Variants in ENPP2 observed in about 807,000 individuals in gnomAD.
ENPP2 encodes the protein ectonucleotide pyrophosphatase/phosphodiesterase 2, also known as autotaxin.
A neutral mutation model predicts 120.2 loss-of-function variants in ENPP2; 51 were observed. The ratio of observed to expected loss-of-function variants is 0.42; its 90% CI spans 0.34 to 0.54. The LOEUF is 0.54. Ranked by LOEUF, ENPP2 falls within the 20% of genes least tolerant of loss-of-function variation. The pLI is 0.04. For missense variants in ENPP2, 920 were observed against 1,066.5 expected (o/e 0.86, Z 1.91); for synonymous variants, 365 against 366.4 (o/e 1.00, Z 0.04).
At chr8:119,564,742 A>C (rs1814266602) in intron 23 of ENPP2, 81 bp downstream of exon 23, 3 of 1,214,382 alleles carry the variant, frequency 2.5e-6, no homozygotes, top group Non-Finnish European at 3.5e-6. Flanking sequence ...TCTCTTCTCT[A>C]GTATATGAAT....
intron 1 of ENPP2, among the ~76,000 whole-genome samples, chr8:119,656,797 A>T (rs1817776259): frequency 1.3e-5 from 2 of 152,264 alleles, no homozygotes; most frequent in South Asian, 4.1e-4. Flanking sequence ...CATCAGTGAT[A>T]CAGCAGGAAT....
At position 119,617,686 on chromosome 8, in the gene ENPP2, C is replaced by T. The variant is rs1483288958; in HGVS notation, c.480-123G>A. 8 of 680,870 alleles carry T rather than the reference C, an allele frequency of 1.2e-5. No individual in the cohort carries two copies. The East Asian group carries it at 1.7e-4, about 14-fold the overall frequency. The allele number at this position is 680,870 out of a possible 1,614,324, so 42.2% of individuals were successfully genotyped here. ...AAATTTCACCGGGCGTGATGGCTTA[C>T]GCTTATAATCCCAGCACTTTGGGAG... On this transcript the variant is annotated intron_variant, in intron 5 of 24. Transcript: ENST00000075322.
chr8:119,561,112 T>C (rs1813891390), intron 24 of ENPP2, among the ~76,000 whole-genome samples: 1 of 152,236 alleles, frequency 6.6e-6, no homozygotes, highest in Non-Finnish European at 1.5e-5. Context: ...TTGCCCTCAT[T>C]TCTAATATTC....
intron 3 of ENPP2, among the ~76,000 whole-genome samples, 200 bp from the exon 4 acceptor site, chr8:119,621,719 GAAC>G: frequency 6.6e-6 from 1 of 152,276 alleles, no homozygotes; most frequent in Non-Finnish European, 1.5e-5. Flanking sequence ...TCAAATCAGA[GAAC>G]AACATCAAAA....
intron 2 of ENPP2, among the ~76,000 whole-genome samples, chr8:119,631,880 C>G (rs1323501290): frequency 6.6e-6 from 1 of 152,066 alleles, no homozygotes; most frequent in African/African-American, 2.4e-5. Context: ...TACTTGGAGT[C>G]TTCACGTTCC....
upstream of ENPP2, among the ~76,000 whole-genome samples, chr8:119,639,612 A>C (rs544398988): frequency 7.5e-6 from 1 of 133,680 alleles, no homozygotes; most frequent in Non-Finnish European, 1.6e-5. Context: ...GGCGGGGCGG[A>C]GGAGGGGGCG....
At chr8:119,601,555 C>G in intron 9 of ENPP2, 93 bp from the exon 10 acceptor site, 2 of 848,796 alleles carry the variant, frequency 2.4e-6, no homozygotes, top group Non-Finnish European at 4.0e-6. Context: ...AGGCCAAATG[C>G]TCTCTATTTA....
chr8:119,637,074 T>A (rs1817043086), intron 2 of ENPP2, among the ~76,000 whole-genome samples: 1 of 152,234 alleles, frequency 6.6e-6, no homozygotes, highest in Non-Finnish European at 1.5e-5. Context: ...TTCCCTTTAG[T>A]GTTCATTGAA....
intron 17 of ENPP2, among the ~76,000 whole-genome samples, chr8:119,582,905 C>T (rs944179642): frequency 3.9e-5 from 6 of 152,156 alleles, no homozygotes; most frequent in East Asian, 1.9e-4. Context: ...CCTGTATCTG[C>T]GATAGTTACA....
intron 1 of ENPP2, among the ~76,000 whole-genome samples, chr8:119,666,215 T>G (rs1458008445): frequency 1.3e-5 from 2 of 152,200 alleles, no homozygotes; most frequent in African/African-American, 4.8e-5. Context: ...TGTTTCTTCT[T>G]TGTACTTTCC....
At chr8:119,631,611 CA>C (rs993285999) in intron 2 of ENPP2, among the ~76,000 whole-genome samples, 8 of 151,360 alleles carry the variant, frequency 5.3e-5, no homozygotes, top group African/African-American at 1.2e-4. Flanking sequence ...GATGAGTGTA[CA>C]AAAAAAATAA....
At chr8:119,628,422 G>A (rs1816430883) in intron 2 of ENPP2, among the ~76,000 whole-genome samples, 1 of 152,128 alleles carries the variant, frequency 6.6e-6, no homozygotes, top group Admixed American at 6.5e-5. Flanking sequence ...GCAAAAGTTT[G>A]CCAAGCTACA....
At chr8:119,668,411 C>A (rs144041349) in intron 1 of ENPP2, among the ~76,000 whole-genome samples, 22,111 of 142,304 alleles carry the variant, frequency 0.16, 1,948 homozygotes, top group African/African-American at 0.25. Flanking sequence ...TTTTCTTTTT[C>A]TTTTTCTTTT....
intron 9 of ENPP2, among the ~76,000 whole-genome samples, chr8:119,603,450 G>T (rs763444053): frequency 2.6e-5 from 4 of 152,138 alleles, no homozygotes; most frequent in Non-Finnish European, 5.9e-5. Context: ...AATGGTAGAC[G>T]GGGAATTAAA....
chr8:119,561,124 G>T (rs1003260527), intron 24 of ENPP2, among the ~76,000 whole-genome samples: 1 of 151,992 alleles, frequency 6.6e-6, no homozygotes, highest in Non-Finnish European at 1.5e-5. Flanking sequence ...CTAATATTCT[G>T]GCAAAACTTA....
At chr8:119,563,146 T>A in intron 23 of ENPP2, 133 bp from the exon 24 acceptor site, 1 of 714,428 alleles carries the variant, frequency 1.4e-6, no homozygotes, top group Non-Finnish European at 2.3e-6. Context: ...TTTTCACTTC[T>A]AAGCACTAGC....
chr8:119,626,818 A>AGTC, intron 2 of ENPP2, 98 bp from the exon 3 acceptor site: 5 of 1,089,084 alleles, frequency 4.6e-6, no homozygotes, highest in Non-Finnish European at 6.9e-6. Context: ...GCTGCAGTGG[A>AGTC]CTCTGGAGGA....
chr8:119,604,597 A>C (rs1814564245), intron 9 of ENPP2, among the ~76,000 whole-genome samples: 1 of 152,174 alleles, frequency 6.6e-6, no homozygotes, highest in African/African-American at 2.4e-5. Flanking sequence ...CAAAAAAAAA[A>C]AAAAAAGACT....
Position 119,569,219 on chromosome 8 carries a change from G to A in ENPP2, c.2053+16C>T. 1 of 1,612,978 alleles carries A rather than the reference G, an allele frequency of 6.2e-7. No individual in the cohort carries two copies. Among genetic ancestry groups the A allele is most frequent in the Non-Finnish European group, 8.5e-7 (1 of 1,179,124 alleles). ...CATCCCTCTGAAGGCATCAGATCTT[G>A]ATATTCTTAACTTACAAGGAGGAAA... On this transcript the variant is annotated intron_variant, in intron 21 of 24. Transcript: ENST00000075322.
Sources: gnomAD v4.1 joint callset for allele counts (sites outside exome capture counted in the v4.1 genomes callset) on GRCh38, gnomAD v4.1.1 for gene constraint, MANE v1.5 for transcripts, NCBI Gene and HGNC (gene_info 2026-07-23, HGNC 2026-07-21) for gene names.